TSNAX: variants seen among roughly 807,000 people sequenced by gnomAD.
TSNAX encodes translin associated factor X.
In TSNAX, 12 loss-of-function variants were observed where a neutral mutation model predicts 33.0. That is an observed-to-expected ratio of 0.36 (90% CI 0.23 to 0.59). The LOEUF is 0.59. TSNAX is among the 20% of genes least tolerant of loss of function. The pLI, the probability that TSNAX is intolerant of heterozygous loss-of-function variation, is 0.74. For missense variants in TSNAX, 267 were observed against 341.3 expected, an observed-to-expected ratio of 0.78 and a Z score of 1.72; for synonymous variants, 110 against 117.2, an observed-to-expected ratio of 0.94 and a Z score of 0.40.
At chr1:231,535,940 A>G (rs1176465952) in intron 2 of TSNAX, 1 of 152,214 alleles carries the variant, frequency 6.6e-6, no homozygotes, top group Admixed American at 6.5e-5. Context: ...GGAAGTGTTG[A>G]GTCTTCGAAG....
chr1:231,564,379 T>C, intron 5 of TSNAX, 149 bp from the exon 6 acceptor site: 2 of 1,425,554 alleles, frequency 1.4e-6, no homozygotes, highest in East Asian at 4.8e-5. Flanking sequence ...AACAGATTTA[T>C]TTTATTTAGA....
chr1:231,566,037 G>C lies in TSNAX; in HGVS notation c.*1132G>C, dbSNP rs1450858261. ...GTTTTTGTTATATTAGGCATGTTTG[G>C]AGGCTTTCCTATTCTAGCATTTAAA... On this transcript the variant is annotated 3_prime_UTR_variant, in exon 6 of 6. Transcript: ENST00000366639. The C allele has an allele frequency of 6.6e-6, 1 of 151,892 alleles. No homozygotes were observed. The highest frequency in any genetic ancestry group is 2.4e-5 in the African/African-American group (1 of 41,362). The allele number at this position is 151,892 out of a possible 1,614,324, so 9.4% of individuals were successfully genotyped here.
chr1:231,558,654 C>G (rs200990265), intron 4 of TSNAX, among the ~76,000 whole-genome samples: 34 of 152,086 alleles, frequency 2.2e-4, no homozygotes, highest in Non-Finnish European at 1.2e-4. Flanking sequence ...TTGCTGTTTG[C>G]TTTTGTGTGC....
At chr1:231,538,028 G>T (rs548205193) in intron 3 of TSNAX, among the ~76,000 whole-genome samples, 110 of 152,182 alleles carry the variant, frequency 7.2e-4, no homozygotes, top group Middle Eastern at 3.4e-3. Context: ...TTATTGAAAT[G>T]CCCTTGTTAC....
chr1:231,553,682 C>CTTTTTTTTTTTTTTTTTTTTTTTTT (rs5781656), intron 4 of TSNAX, among the ~76,000 whole-genome samples: 2 of 133,756 alleles, frequency 1.5e-5, no homozygotes, highest in African/African-American at 2.8e-5. Context: ...TCTTTCTTTC[C>CTTTTTTTTTTTTTTTTTTTTTTTTT]TTTTTTTTTT....
intron 1 of TSNAX, 108 bp from the exon 2 acceptor site, chr1:231,529,147 G>A (rs201533395): frequency 1.7e-5 from 19 of 1,108,032 alleles, no homozygotes; most frequent in Non-Finnish European, 2.3e-5. Context: ...TCTAAGGCGA[G>A]GGCCCTGTGG....
At chr1:231,532,159 CACACACACACACACACACACACACACAG>C (rs1341044402) in intron 2 of TSNAX, among the ~76,000 whole-genome samples, 1 of 89,350 alleles carries the variant, frequency 1.1e-5, no homozygotes, top group African/African-American at 3.9e-5. Context: ...CACACACACA[CACACACACACACACACACACACACACAG>C]TTTTGGTTTT....
chr1:231,531,522 T>A (rs2808579), intron 2 of TSNAX, among the ~76,000 whole-genome samples: 72,783 of 152,020 alleles, frequency 0.48, 19,269 homozygotes, highest in African/African-American at 0.71. Context: ...TAGGAATTGT[T>A]CCTTATCTAA....
chr1:231,528,887 T>C (rs1028224579), intron 1 of TSNAX, 61 bp downstream of exon 1: 59 of 1,607,894 alleles, frequency 3.7e-5, no homozygotes, highest in Non-Finnish European at 4.1e-5. Flanking sequence ...CCAGTCTTTC[T>C]ATGCAGTTTT....
chr1:231,554,386 T>C (rs560273530), intron 4 of TSNAX, among the ~76,000 whole-genome samples: 7 of 152,286 alleles, frequency 4.6e-5, no homozygotes, highest in Non-Finnish European at 7.4e-5. Context: ...CGGGAAAAAG[T>C]TGAGTCTCTT....
At chr1:231,538,533 TCTACC>T (rs1347853650) in intron 3 of TSNAX, among the ~76,000 whole-genome samples, 1 of 152,202 alleles carries the variant, frequency 6.6e-6, no homozygotes, top group African/African-American at 2.4e-5. Flanking sequence ...TAGAATAGTA[TCTACC>T]CTACAACTCC....
At chr1:231,555,233 G>A (rs1209427834) in intron 4 of TSNAX, among the ~76,000 whole-genome samples, 2 of 152,168 alleles carry the variant, frequency 1.3e-5, no homozygotes, top group Non-Finnish European at 2.9e-5. Context: ...GCCTTAAACA[G>A]GAAATTCTGA....
chr1:231,535,113 G>A (rs1166203901), intron 2 of TSNAX: 3 of 152,160 alleles, frequency 2.0e-5, no homozygotes, highest in African/African-American at 7.2e-5. Context: ...CATGAGCTAA[G>A]GGCAGGACAT....
intron 4 of TSNAX, among the ~76,000 whole-genome samples, chr1:231,560,418 C>CCCT (rs1491555734): frequency 5.5e-5 from 4 of 73,116 alleles, no homozygotes; most frequent in Non-Finnish European, 1.0e-4. Flanking sequence ...CCCCCCCCCC[C>CCCT]TTTTTTTTTT....
At chr1:231,542,762 C>G in intron 4 of TSNAX, 151 bp downstream of exon 4, 1 of 890,436 alleles carries the variant, frequency 1.1e-6, no homozygotes, top group South Asian at 1.9e-5. Context: ...AGAAGTAATC[C>G]AAAGGCAAGT....
At chr1:231,546,895 C>T (rs7556048) in intron 4 of TSNAX, among the ~76,000 whole-genome samples, 32,640 of 152,004 alleles carry the variant, frequency 0.21, 3,761 homozygotes, top group Admixed American at 0.29. Flanking sequence ...GGGATGGCGC[C>T]TGAGGATTTT....
chr1:231,529,117 G>T (rs1239738777), intron 1 of TSNAX, 138 bp from the exon 2 acceptor site: 4 of 853,748 alleles, frequency 4.7e-6, no homozygotes, highest in Non-Finnish European at 7.2e-6. Context: ...CAGCGTCTCT[G>T]TCAGTCTGCG....
chr1:231,530,175 T>C (rs1172818044), intron 2 of TSNAX, among the ~76,000 whole-genome samples: 1 of 152,228 alleles, frequency 6.6e-6, no homozygotes, highest in Non-Finnish European at 1.5e-5. Flanking sequence ...TATGTCCTAA[T>C]CTCAGACATC....
At chr1:231,533,818 C>G (rs899024087) in intron 2 of TSNAX, among the ~76,000 whole-genome samples, 2 of 152,140 alleles carry the variant, frequency 1.3e-5, no homozygotes, top group African/African-American at 4.8e-5. Flanking sequence ...GCATCATACC[C>G]CTTTACTTGT....
Sources: allele counts gnomAD v4.1 joint callset (sites outside exome capture counted in the v4.1 genomes callset), GRCh38; gene constraint gnomAD v4.1.1; transcripts MANE v1.5; gene names NCBI Gene and HGNC (gene_info 2026-07-23, HGNC 2026-07-21).